The following NRXN1 variants were observed in gnomAD, a reference collection of about 807,000 sequenced individuals.
NRXN1 encodes neurexin 1.
A neutral mutation model predicts 150.9 loss-of-function variants in NRXN1; 39 were observed. The ratio of observed to expected loss-of-function variants is 0.26; its 90% CI spans 0.20 to 0.34. The LOEUF is 0.34. Among genes scored for constraint, NRXN1 ranks in the 10% least tolerant of loss-of-function variants. The pLI is 1.00. For synonymous variants in NRXN1, 924 were observed against 757.0 expected (o/e 1.22, Z -3.62); for missense variants, 1,815 against 1,949.9 (o/e 0.93, Z 1.30).
Position 49,977,834 on chromosome 2 carries a change from C to A in NRXN1, c.4129-34043G>T, listed in dbSNP as rs191649305. Among the ~76,000 whole-genome samples the A allele has an allele frequency of 3.9e-5, 6 of 152,220 alleles. No individual in the cohort carries two copies. In the East Asian group the frequency reaches 7.7e-4, roughly 20 times the overall value. On this transcript the variant is annotated intron_variant, in intron 21 of 22. Coordinates refer to ENST00000401669, the MANE Select transcript of NRXN1 (RefSeq NM_001330078.2). ...TTGAAATTAACAGTATACTTGAAGTCTTTATTGCTCTGCATGATATTTGCA... is the reference window on the plus strand; with the variant it reads ...TTGAAATTAACAGTATACTTGAAGTATTTATTGCTCTGCATGATATTTGCA...
intron 21 of NRXN1, among the ~76,000 whole-genome samples, chr2:50,033,412 C>CT (rs1689480182): frequency 6.6e-6 from 1 of 152,066 alleles, no homozygotes; most frequent in African/African-American, 2.4e-5. Flanking sequence ...GCTGAGATAA[C>CT]TGACTAGCCA....
intron 21 of NRXN1, among the ~76,000 whole-genome samples, chr2:50,001,757 A>C (rs972934307): frequency 6.6e-6 from 1 of 152,148 alleles, no homozygotes; most frequent in African/African-American, 2.4e-5. Flanking sequence ...ACTGTTGTAA[A>C]CAGACCTTAG....
At chr2:50,174,113 A>G (rs1010219260) in intron 18 of NRXN1, among the ~76,000 whole-genome samples, 3 of 152,204 alleles carry the variant, frequency 2.0e-5, no homozygotes, top group African/African-American at 7.2e-5. Flanking sequence ...TCTGATTAGA[A>G]TACTACTTCA....
intron 21 of NRXN1, among the ~76,000 whole-genome samples, chr2:49,954,913 T>C (rs908362313): frequency 2.6e-5 from 4 of 152,188 alleles, no homozygotes; most frequent in Non-Finnish European, 5.9e-5. Context: ...AGGAATTCAG[T>C]AGAGCTGACT....
At chr2:50,642,602 C>A (rs1177969470) in intron 5 of NRXN1, among the ~76,000 whole-genome samples, 1 of 151,940 alleles carries the variant, frequency 6.6e-6, no homozygotes, top group Non-Finnish European at 1.5e-5. Flanking sequence ...ATTAGAATAT[C>A]CATCTTAAAG....
chr2:50,981,027 A>G (rs1355731119), intron 2 of NRXN1, among the ~76,000 whole-genome samples: 1 of 152,120 alleles, frequency 6.6e-6, no homozygotes, highest in East Asian at 1.9e-4. Flanking sequence ...GCACCACATT[A>G]CATTTTAAAA....
At chr2:50,637,794 C>A (rs1395020493) in intron 5 of NRXN1, among the ~76,000 whole-genome samples, 1 of 151,580 alleles carries the variant, frequency 6.6e-6, no homozygotes, top group African/African-American at 2.4e-5. Flanking sequence ...AGGGACATGC[C>A]AGAGAATGGC....
chr2:50,059,445 G>T (rs960103360), intron 19 of NRXN1, among the ~76,000 whole-genome samples: 2 of 152,152 alleles, frequency 1.3e-5, no homozygotes, highest in Non-Finnish European at 2.9e-5. Flanking sequence ...TGGAAGCAGA[G>T]CATAAAAGTT....
chr2:50,657,770 T>C (rs1429469012), intron 5 of NRXN1, among the ~76,000 whole-genome samples: 1 of 152,056 alleles, frequency 6.6e-6, no homozygotes, highest in East Asian at 1.9e-4. Flanking sequence ...CTCACCTTCC[T>C]TTAAATCACA....
intron 18 of NRXN1, among the ~76,000 whole-genome samples, chr2:50,231,026 T>G (rs2064888839): frequency 6.6e-6 from 1 of 151,998 alleles, no homozygotes; most frequent in Non-Finnish European, 1.5e-5. Context: ...ATATAAGAAT[T>G]AGGAAAGCTA....
Position 50,913,897 on chromosome 2 carries a change from A to T in NRXN1, c.832+7972T>A, listed in dbSNP as rs1398172626. Among the ~76,000 whole-genome samples the T allele has an allele frequency of 2.0e-5, 3 of 151,810 alleles. No individual in the cohort carries two copies. The East Asian group carries it at 5.8e-4, about 29-fold the overall frequency. ...ACATTTCTTAATATAAACCGTGAAA[A>T]CAACCATTCTGAAAAGCTGTGCCTT... On this transcript the variant is annotated intron_variant, in intron 5 of 22. Coordinates refer to ENST00000401669, the MANE Select transcript of NRXN1 (RefSeq NM_001330078.2).
At chr2:50,770,270 A>G (rs1702850770) in intron 5 of NRXN1, among the ~76,000 whole-genome samples, 1 of 152,040 alleles carries the variant, frequency 6.6e-6, no homozygotes, top group Non-Finnish European at 1.5e-5. Context: ...TTTATAGCTA[A>G]ATGACTGTAG....
At chr2:51,022,391 T>C (rs537393400) in intron 2 of NRXN1, among the ~76,000 whole-genome samples, 1 of 152,258 alleles carries the variant, frequency 6.6e-6, no homozygotes, top group East Asian at 1.9e-4. Flanking sequence ...CAAGAGTCTG[T>C]ATAATTTAAC....
chr2:50,047,518 G>C (rs770912869), intron 21 of NRXN1, among the ~76,000 whole-genome samples: 44 of 152,082 alleles, frequency 2.9e-4, no homozygotes, highest in Non-Finnish European at 6.2e-4. Flanking sequence ...TCCTAAGAAA[G>C]CTAATGCTGC....
At chr2:49,956,601 G>C (rs576095287) in intron 21 of NRXN1, among the ~76,000 whole-genome samples, 10 of 152,202 alleles carry the variant, frequency 6.6e-5, no homozygotes, top group African/African-American at 2.2e-4. Flanking sequence ...AGTCCAAGGA[G>C]CAAATGCTGT....
chr2:50,510,369 C>G (rs1386145245), intron 12 of NRXN1, among the ~76,000 whole-genome samples: 3 of 150,744 alleles, frequency 2.0e-5, no homozygotes, highest in African/African-American at 7.3e-5. Flanking sequence ...ACCCGTAATC[C>G]CAGCTACTCA....
At chr2:50,630,529 C>T (rs1682088271) in intron 5 of NRXN1, among the ~76,000 whole-genome samples, 1 of 151,648 alleles carries the variant, frequency 6.6e-6, no homozygotes, top group South Asian at 2.1e-4. Flanking sequence ...AAGGAAATTA[C>T]CGTACATCTT....
chr2:50,499,153 A>G (rs187123721), intron 13 of NRXN1, among the ~76,000 whole-genome samples: 163 of 152,330 alleles, frequency 1.1e-3, no homozygotes, highest in African/African-American at 3.8e-3. Flanking sequence ...GTTGTGCAAC[A>G]AAAACTGTTT....
intron 17 of NRXN1, among the ~76,000 whole-genome samples, chr2:50,368,624 A>G (rs757046423): frequency 6.6e-6 from 1 of 152,000 alleles, no homozygotes; most frequent in Non-Finnish European, 1.5e-5. Flanking sequence ...CCAGATGGTT[A>G]TAAGAGCCAT....
Sources: allele counts gnomAD v4.1 joint callset (sites outside exome capture counted in the v4.1 genomes callset), GRCh38; gene constraint gnomAD v4.1.1; transcripts MANE v1.5; gene names NCBI Gene and HGNC (gene_info 2026-07-23, HGNC 2026-07-21).